Variants in PCDH7 observed in about 807,000 individuals in gnomAD.
The protein encoded by PCDH7 is protocadherin 7.
PCDH7 carries 17 observed loss-of-function variants against 58.9 expected under a neutral mutation model. That is an observed-to-expected ratio of 0.29 (90% confidence interval 0.20 to 0.43). The LOEUF is 0.43. Ranked by LOEUF, PCDH7 falls within the 20% of genes least tolerant of loss-of-function variation. The pLI is 1.00. For missense variants in PCDH7, 1,274 were observed against 1,441.0 expected, an observed-to-expected ratio of 0.88 and a Z score of 1.88; for synonymous variants, 664 against 616.4, an observed-to-expected ratio of 1.08 and a Z score of -1.14.
At chr4:30,933,898 T>C (rs541218161) in intron 2 of PCDH7, among the ~76,000 whole-genome samples, 1 of 152,364 alleles carries the variant, frequency 6.6e-6, no homozygotes, top group South Asian at 2.1e-4. Context: ...TAGGGCCCAG[T>C]CCTTACGATT....
chr4:31,015,755 A>G (rs1280808715), intron 3 of PCDH7, among the ~76,000 whole-genome samples: 1 of 152,168 alleles, frequency 6.6e-6, no homozygotes, highest in East Asian at 1.9e-4. Context: ...GGTAGTGACA[A>G]TGTTTGTTTT....
At chr4:31,016,612 GT>G (rs1753624206) in intron 3 of PCDH7, among the ~76,000 whole-genome samples, 1 of 152,074 alleles carries the variant, frequency 6.6e-6, no homozygotes, top group African/African-American at 2.4e-5. Context: ...CAATGTTATA[GT>G]AAGATGGGTA....
chr4:30,820,776 T>C (rs191761937), intron 1 of PCDH7, among the ~76,000 whole-genome samples: 1 of 152,220 alleles, frequency 6.6e-6, no homozygotes, highest in African/African-American at 2.4e-5. Flanking sequence ...TTGATCTATT[T>C]AGTACATTTG....
intron 3 of PCDH7, among the ~76,000 whole-genome samples, chr4:31,087,745 G>A (rs1045141322): frequency 5.9e-5 from 9 of 152,164 alleles, no homozygotes; most frequent in Middle Eastern, 3.4e-3. Context: ...TCTTGTCGCC[G>A]TTTTTGCATT....
chr4:31,123,486 G>A (rs566174751), intron 3 of PCDH7, among the ~76,000 whole-genome samples: 5 of 152,244 alleles, frequency 3.3e-5, no homozygotes, highest in East Asian at 3.9e-4. Flanking sequence ...GCAGGTAACC[G>A]GGTGCAAGAG....
At chr4:30,753,805 C>A (rs576740729) in intron 1 of PCDH7, among the ~76,000 whole-genome samples, 126 of 151,958 alleles carry the variant, frequency 8.3e-4, no homozygotes, top group African/African-American at 2.8e-3. Context: ...AAGAATTCCT[C>A]CCAAAAAAAT....
intron 1 of PCDH7, among the ~76,000 whole-genome samples, chr4:30,748,553 T>A (rs2109255590): frequency 6.6e-6 from 1 of 152,306 alleles, no homozygotes; most frequent in South Asian, 2.1e-4. Context: ...CTAATCCACT[T>A]GAAACACAGC....
At chr4:31,037,070 G>A (rs1225259652) in intron 3 of PCDH7, among the ~76,000 whole-genome samples, 1 of 152,144 alleles carries the variant, frequency 6.6e-6, no homozygotes, top group Non-Finnish European at 1.5e-5. Context: ...TTCAAGATGA[G>A]ATTTGGGTGG....
At chr4:30,920,945 T>C (rs1320436457) in intron 2 of PCDH7, among the ~76,000 whole-genome samples, 17 of 152,132 alleles carry the variant, frequency 1.1e-4, no homozygotes, top group Non-Finnish European at 2.5e-4. Context: ...AAGGTTTTTT[T>C]TTATTTTTAT....
chr4:30,794,218 C>T (rs781714558), intron 1 of PCDH7, among the ~76,000 whole-genome samples: 1 of 152,210 alleles, frequency 6.6e-6, no homozygotes, highest in Non-Finnish European at 1.5e-5. Flanking sequence ...CTATAAAAAA[C>T]AGCAAACCTC....
chr4:30,724,029 A>G (rs1294191765), exon 1 of PCDH7: 2 of 1,613,880 alleles, frequency 1.2e-6, no homozygotes, highest in Non-Finnish European at 1.7e-6. Flanking sequence ...CTGGTGACCC[A>G]AGCTATGAAA....
At chr4:31,145,344 A>G (rs1397577662), downstream of PCDH7, 3 of 152,038 alleles carry the variant, frequency 2.0e-5, no homozygotes, top group Admixed American at 2.0e-4. Context: ...CTGTCATAAC[A>G]TGTTTATTAT....
chr4:31,111,312 T>C (rs2109311707), intron 3 of PCDH7, among the ~76,000 whole-genome samples: 1 of 151,902 alleles, frequency 6.6e-6, no homozygotes, highest in East Asian at 1.9e-4. Flanking sequence ...CAATTTTTTT[T>C]TTTTTTTTTT....
intron 3 of PCDH7, among the ~76,000 whole-genome samples, chr4:30,991,662 C>A (rs1751476062): frequency 6.6e-6 from 1 of 152,056 alleles, no homozygotes; most frequent in African/African-American, 2.4e-5. Context: ...GAAATTGACA[C>A]CAAAGAATAA....
At chr4:31,019,819 T>C (rs1753894205) in intron 3 of PCDH7, among the ~76,000 whole-genome samples, 1 of 152,032 alleles carries the variant, frequency 6.6e-6, no homozygotes, top group Admixed American at 6.6e-5. Context: ...CAGGTACGCA[T>C]GTAATAACAT....
chr4:31,029,982 T>C (rs1754759848), intron 3 of PCDH7, among the ~76,000 whole-genome samples: 2 of 152,100 alleles, frequency 1.3e-5, no homozygotes, highest in Admixed American at 1.3e-4. Context: ...TAACAAGTCT[T>C]GAAGAAAAGC....
chr4:31,032,477 G>T (rs1440184317), intron 3 of PCDH7, among the ~76,000 whole-genome samples: 1 of 151,696 alleles, frequency 6.6e-6, no homozygotes, highest in Non-Finnish European at 1.5e-5. Flanking sequence ...TTGTGGTAGT[G>T]CATGACTGTA....
chr4:31,095,556 C>T lies in PCDH7; in HGVS notation c.*8-46917C>T, dbSNP rs145016603. Among the ~76,000 whole-genome samples the T allele has an allele frequency of 7.2e-3, 1,101 of 152,078 alleles. 12 individuals are homozygous for T. Among genetic ancestry groups the T allele is most frequent in the African/African-American group, 0.025 (1,029 of 41,486 alleles). On this transcript the variant is annotated intron_variant, in intron 3 of 3. Transcript: ENST00000509759. ...TTGTGACAGAGCAGTATAAAAAATT[C>T]ATTTTTATTCAAAAAAATAATTTCA...
intron 3 of PCDH7, among the ~76,000 whole-genome samples, chr4:30,979,219 G>T (rs2109107542): frequency 6.6e-6 from 1 of 151,844 alleles, no homozygotes; most frequent in South Asian, 2.1e-4. Context: ...CCAGATGCTT[G>T]GGAGGCTGAA....
Sources: allele counts gnomAD v4.1 joint callset (sites outside exome capture counted in the v4.1 genomes callset), GRCh38; gene constraint gnomAD v4.1.1; transcripts MANE v1.5; gene names NCBI Gene and HGNC (gene_info 2026-07-23, HGNC 2026-07-21).